Variants in HS6ST3 observed in about 807,000 individuals in gnomAD.
HS6ST3 encodes the protein heparan sulfate 6-O-sulfotransferase 3, also known as heparan-sulfate 6-O-sulfotransferase 3.
Under a neutral mutation model 36.7 loss-of-function variants are expected in HS6ST3, and 12 were observed. That is an observed-to-expected ratio of 0.33 (90% CI 0.21 to 0.53). HS6ST3 has a LOEUF of 0.53. HS6ST3 is among the 20% of genes least tolerant of loss of function. The pLI, the probability that HS6ST3 is intolerant of heterozygous loss-of-function variation, is 0.95. For synonymous variants in HS6ST3, 240 were observed against 257.5 expected, an observed-to-expected ratio of 0.93 and a Z score of 0.65; for missense variants, 584 against 640.9, an observed-to-expected ratio of 0.91 and a Z score of 0.96.
chr13:96,773,421 C>CT lies in HS6ST3; in HGVS notation c.708-59069_708-59068insT, dbSNP rs561556106. 2.6e-4 allele frequency among the ~76,000 whole-genome samples: 40 copies of CT among 152,304 alleles called. 1 individual carries two copies. The South Asian group carries it at 8.1e-3, about 31-fold the overall frequency. On this transcript the variant is annotated intron_variant, in intron 1 of 1. Coordinates refer to ENST00000376705, the MANE Select transcript of HS6ST3 (RefSeq NM_153456.4). ...CTATGGAGCCCTGCAAGCTAAAATC[C>CT]ACTGGCTTGAAATTCTCGCTGCCAG...
At chr13:96,465,785 T>C (rs2055810613) in intron 1 of HS6ST3, among the ~76,000 whole-genome samples, 1 of 152,194 alleles carries the variant, frequency 6.6e-6, no homozygotes, top group Non-Finnish European at 1.5e-5. Flanking sequence ...ATATTATGGT[T>C]AGTGTCTCAA....
At position 96,090,697 on chromosome 13, in the gene HS6ST3, C is replaced by G. The variant is rs1436629045; in HGVS notation, c.-166C>G. ...TCGCAGGCCCCGGCTCCTCAAGCCC[C>G]GAGGGCCGCGGGGCCGCCAGCCAGC... On this transcript the variant is annotated 5_prime_UTR_variant, in exon 1 of 2. Transcript: ENST00000376705. 3.3e-6 allele frequency: 1 copy of G among 306,662 alleles called. No individual in the cohort carries two copies. Among genetic ancestry groups the G allele is most frequent in the East Asian group, 8.5e-5 (1 of 11,738 alleles). The allele number at this position is 306,662 out of a possible 1,614,324, so 19.0% of individuals were successfully genotyped here. A position where few individuals can be genotyped will look rare whatever the true frequency, so the allele number is the denominator to read the frequency against.
chr13:96,655,467 T>C lies in HS6ST3; in HGVS notation c.708-177023T>C, dbSNP rs1435859210. The stretch of plus-strand genomic sequence containing the variant: ...AAAACTTGTGAATGGAGTTGTCAAA[T>C]GGAGGATTGCTGATTATCGTTTAAG... On this transcript the variant is annotated intron_variant, in intron 1 of 1. Coordinates refer to ENST00000376705, the MANE Select transcript of HS6ST3 (RefSeq NM_153456.4). 2.0e-5 allele frequency among the ~76,000 whole-genome samples: 3 copies of C among 152,134 alleles called. No homozygotes were observed. In the East Asian group the frequency reaches 5.8e-4, roughly 29 times the overall value.
intron 1 of HS6ST3, among the ~76,000 whole-genome samples, chr13:96,631,809 G>A (rs1300860359): frequency 2.6e-5 from 4 of 152,222 alleles, no homozygotes; most frequent in Middle Eastern, 3.4e-3. Flanking sequence ...TTTCAGTAAC[G>A]AGAGGTCATC....
chr13:96,528,424 A>C (rs745519214), intron 1 of HS6ST3, among the ~76,000 whole-genome samples: 3 of 152,192 alleles, frequency 2.0e-5, no homozygotes, highest in Non-Finnish European at 4.4e-5. Flanking sequence ...TTTTTGGAAA[A>C]GTGTCAACCT....
intron 1 of HS6ST3, among the ~76,000 whole-genome samples, chr13:96,560,056 C>G (rs1365188040): frequency 6.6e-6 from 1 of 152,162 alleles, no homozygotes; most frequent in African/African-American, 2.4e-5. Flanking sequence ...AATTTCATCT[C>G]AGGCCCTCCA....
intron 1 of HS6ST3, among the ~76,000 whole-genome samples, chr13:96,190,647 A>T (rs1417843640): frequency 6.6e-6 from 1 of 152,186 alleles, no homozygotes; most frequent in Non-Finnish European, 1.5e-5. Flanking sequence ...TTACATTTTG[A>T]AGGTTGGGAG....
chr13:96,486,198 C>A (rs1322581056), intron 1 of HS6ST3, among the ~76,000 whole-genome samples: 1 of 152,030 alleles, frequency 6.6e-6, no homozygotes, highest in African/African-American at 2.4e-5. Context: ...ATGAACTCAT[C>A]ATTTTTTATG....
chr13:96,246,571 C>A (rs1290319961), intron 1 of HS6ST3, among the ~76,000 whole-genome samples: 1 of 152,122 alleles, frequency 6.6e-6, no homozygotes. Flanking sequence ...AAAAGGTTTA[C>A]AAATATAGAC....
At chr13:96,624,662 A>G (rs1594821102) in intron 1 of HS6ST3, among the ~76,000 whole-genome samples, 1 of 152,096 alleles carries the variant, frequency 6.6e-6, no homozygotes, top group African/African-American at 2.4e-5. Context: ...TGTATACCCA[A>G]TGATTAGTTC....
intron 1 of HS6ST3, among the ~76,000 whole-genome samples, chr13:96,408,840 C>G (rs1444957533): frequency 2.0e-5 from 3 of 152,020 alleles, no homozygotes; most frequent in Non-Finnish European, 4.4e-5. Flanking sequence ...GGGAGAATCG[C>G]TTGAACCTGG....
intron 1 of HS6ST3, among the ~76,000 whole-genome samples, chr13:96,595,460 T>TTC (rs984709531): frequency 1.2e-4 from 18 of 151,434 alleles, no homozygotes; most frequent in Middle Eastern, 3.4e-3. Context: ...AGGATTTTTT[T>TTC]TCTCTCTCTC....
intron 1 of HS6ST3, among the ~76,000 whole-genome samples, chr13:96,253,805 T>C (rs939571435): frequency 1.3e-5 from 2 of 152,230 alleles, no homozygotes; most frequent in African/African-American, 4.8e-5. Context: ...TGTTGGTATA[T>C]GTGTCCATGT....
intron 1 of HS6ST3, among the ~76,000 whole-genome samples, chr13:96,288,206 C>G (rs749754298): frequency 6.6e-6 from 1 of 152,142 alleles, no homozygotes; most frequent in South Asian, 2.1e-4. Context: ...TGAACCTGAT[C>G]TGAAAATTGT....
In HS6ST3 at chr13:96,232,308, A is replaced by G. The variant is rs574021052; in HGVS notation, c.707+140739A>G. ...AGGATCAGAGAAAGACAAATGTGAA[A>G]GCTTCGCTGGTTGTGAAAAAGATCA... On this transcript the variant is annotated intron_variant, in intron 1 of 1. Transcript: ENST00000376705. Among the ~76,000 whole-genome samples, 5 of 152,228 alleles carry G rather than the reference A, an allele frequency of 3.3e-5. No homozygotes were observed. In the South Asian group the frequency reaches 1.0e-3, roughly 32 times the overall value.
In HS6ST3 at chr13:96,282,212, G is replaced by A. The variant is rs561311955; in HGVS notation, c.707+190643G>A. Among the ~76,000 whole-genome samples the A allele has an allele frequency of 1.6e-4, 25 of 152,256 alleles. No individual in the cohort carries two copies. In the East Asian group the frequency reaches 4.6e-3, roughly 28 times the overall value. The stretch of plus-strand genomic sequence containing the variant: ...AAAGATGTGAGAATGTTGGAATGGA[G>A]GTGGAAGAAGGGGGTGACTCTTCTG... On this transcript the variant is annotated intron_variant, in intron 1 of 1. Coordinates refer to ENST00000376705, the MANE Select transcript of HS6ST3 (RefSeq NM_153456.4).
chr13:96,600,357 C>T (rs978155037), intron 1 of HS6ST3, among the ~76,000 whole-genome samples: 37 of 150,876 alleles, frequency 2.5e-4, no homozygotes, highest in African/African-American at 7.8e-4. Flanking sequence ...CACACACACA[C>T]ACATATATAT....
Position 96,303,817 on chromosome 13 carries a change from T to G in HS6ST3, c.707+212248T>G, listed in dbSNP as rs1051911652. The stretch of plus-strand genomic sequence containing the variant: ...ATATCTAATCGAATTCACCTAAGAT[T>G]TAATGACTGGAACTAGGAAGATTCA... On this transcript the variant is annotated intron_variant, in intron 1 of 1. Transcript: ENST00000376705. Among the ~76,000 whole-genome samples the G allele has an allele frequency of 4.6e-5, 7 of 152,298 alleles. No individual in the cohort carries two copies. The East Asian group carries it at 1.4e-3, about 29-fold the overall frequency.
chr13:96,772,426 C>A (rs1877286397), intron 1 of HS6ST3, among the ~76,000 whole-genome samples: 1 of 151,958 alleles, frequency 6.6e-6, no homozygotes, highest in Admixed American at 6.6e-5. Flanking sequence ...GAAGATGGGC[C>A]CCAGAATAAA....
Sources: gnomAD v4.1 joint callset for allele counts (sites outside exome capture counted in the v4.1 genomes callset) on GRCh38, gnomAD v4.1.1 for gene constraint, MANE v1.5 for transcripts, NCBI Gene and HGNC (gene_info 2026-07-23, HGNC 2026-07-21) for gene names.